ATG16L2: variants seen among roughly 807,000 people sequenced by gnomAD.
The protein encoded by ATG16L2 is autophagy related 16 like 2.
ATG16L2 carries 77 observed loss-of-function variants against 84.7 expected under a neutral mutation model. The observed-to-expected ratio is 0.91, with a 90% CI of 0.76 to 1.10. The LOEUF (loss-of-function observed/expected upper bound fraction) is 1.10, where lower values mean the gene tolerates loss of function less well. ATG16L2 is among the 50% of genes least tolerant of loss of function. The pLI, the probability that ATG16L2 is intolerant of heterozygous loss-of-function variation, is 0.00. For missense variants in ATG16L2, 782 were observed against 817.6 expected, an observed-to-expected ratio of 0.96 and a Z score of 0.53; for synonymous variants, 361 against 342.8, an observed-to-expected ratio of 1.05 and a Z score of -0.59.
chr11:72,840,882 G>A (rs765405062), intron 5 of ATG16L2: 3 of 1,605,680 alleles, frequency 1.9e-6, no homozygotes, highest in Admixed American at 1.7e-5. Context: ...CTTACAGGTC[G>A]CAGTTTGCCA....
rs375973734 is a variant in ATG16L2 at position 72,827,225 on chromosome 11, C to T, written c.1404C>T (p.Asp468=). 29 of 1,613,958 alleles carry T rather than the reference C, an allele frequency of 1.8e-5. No homozygotes were observed. The highest frequency in any genetic ancestry group is 4.5e-5 in the East Asian group (2 of 44,888). ...RTINVLSYCN[D]VVCGDHIIIS... ...TCAATGTCCTTTCCTACTGTAATGA[C>T]GTGGTGTGTGGGGACCATATCATCA... Residue 468 remains aspartate (D), a synonymous_variant, in exon 14 of 18, where the codon GAC becomes GAT. Transcript: ENST00000321297.
At chr11:72,840,225 G>A (rs1163616043) in intron 5 of ATG16L2, among the ~76,000 whole-genome samples, 2 of 152,146 alleles carry the variant, frequency 1.3e-5, no homozygotes, top group Non-Finnish European at 2.9e-5. Flanking sequence ...TGTCTCATTT[G>A]GGATAAAGAC....
rs532041123 is a variant in ATG16L2 at position 72,842,583 on chromosome 11, A to C, written c.*22-34A>C. 1.1e-4 allele frequency: 171 copies of C among 1,612,228 alleles called. 2 individuals are homozygous for C. In the South Asian group the frequency reaches 1.9e-3, roughly 18 times the overall value. On this transcript the variant is annotated intron_variant, in intron 5 of 5. Coordinates refer to the ATG16L2 transcript ENST00000534905. ...AGACCCTTTGGGAGCAATTTTCTTT[A>C]AACATCTTTTAATTCAACTGTCTCC...
intron 9 of ATG16L2, 65 bp downstream of exon 9, chr11:72,824,907 TCG>T: frequency 7.2e-7 from 1 of 1,386,058 alleles, no homozygotes; most frequent in Non-Finnish European, 9.8e-7. Flanking sequence ...AGGGGTGGTC[TCG>T]GCACCAGGGG....
intron 4 of ATG16L2, 72 bp downstream of exon 4, chr11:72,821,813 G>C: frequency 6.7e-7 from 1 of 1,493,356 alleles, no homozygotes; most frequent in Non-Finnish European, 8.9e-7. Flanking sequence ...TACGGGAGGC[G>C]GGGGGAATGG....
intron 2 of ATG16L2, 111 bp from the exon 3 acceptor site, chr11:72,817,645 A>C: frequency 3.9e-6 from 4 of 1,033,502 alleles, no homozygotes; most frequent in South Asian, 1.4e-5. Context: ...CCATCTTCCC[A>C]GGACGAAGTT....
At chr11:72,842,051 A>G (rs1860971465) in intron 5 of ATG16L2, among the ~76,000 whole-genome samples, 1 of 152,174 alleles carries the variant, frequency 6.6e-6, no homozygotes, top group African/African-American at 2.4e-5. Context: ...TTCTTCCTCT[A>G]CCTGTCTGGC....
chr11:72,826,876 G>C, intron 13 of ATG16L2, 53 bp downstream of exon 13: 4 of 1,596,074 alleles, frequency 2.5e-6, no homozygotes, highest in Non-Finnish European at 3.4e-6. Flanking sequence ...GGAGCCCCAG[G>C]CCAGGGCACA....
intron 5 of ATG16L2, among the ~76,000 whole-genome samples, chr11:72,842,029 C>T (rs541251360): frequency 2.9e-4 from 44 of 152,334 alleles, no homozygotes; most frequent in Non-Finnish European, 5.4e-4. Flanking sequence ...ACAAGATCGG[C>T]AAACACGTTC....
chr11:72,815,630 C>T (rs1859661545), intron 1 of ATG16L2, among the ~76,000 whole-genome samples: 1 of 152,100 alleles, frequency 6.6e-6, no homozygotes, highest in South Asian at 2.1e-4. Context: ...AAGCCTCAGT[C>T]TTCTTACTTG....
chr11:72,839,869 C>T (rs527877908), intron 5 of ATG16L2, among the ~76,000 whole-genome samples: 3 of 152,200 alleles, frequency 2.0e-5, no homozygotes, highest in South Asian at 2.1e-4. Context: ...GGCAAGAGTG[C>T]GTTCAACAAC....
intron 5 of ATG16L2, among the ~76,000 whole-genome samples, chr11:72,835,480 A>G (rs1336835670): frequency 6.6e-6 from 1 of 152,100 alleles, no homozygotes; most frequent in Non-Finnish European, 1.5e-5. Context: ...AGCCTGTGGC[A>G]CACTTTATAT....
chr11:72,822,985 A>C lies in ATG16L2; in HGVS notation c.824+24A>C. ...AGGTGAGGACCCAGGTGACAGTCTC[A>C]GAGCTCTGAGCTGAGCCCCACCCCA... On this transcript the variant is annotated intron_variant, in intron 7 of 17. Transcript: ENST00000321297. This position sits in a 1 kb window ranked among gnomAD's most constrained non-coding sequence, Gnocchi z 4.2. 13 of 1,513,332 alleles carry C rather than the reference A, an allele frequency of 8.6e-6. No homozygotes were observed. The highest frequency in any genetic ancestry group is 4.9e-5 in the East Asian group (2 of 41,140). 93.7% of individuals were successfully genotyped at this position (1,513,332 alleles called of 1,614,324 possible). A position where few individuals can be genotyped will look rare whatever the true frequency, so the allele number is the denominator to read the frequency against.
At position 72,829,487 on chromosome 11, in the gene ATG16L2, T is replaced by G; in HGVS notation, c.*97T>G. 1 of 1,478,040 alleles carries G rather than the reference T, an allele frequency of 6.8e-7. No homozygotes were observed. Among genetic ancestry groups the G allele is most frequent in the Non-Finnish European group, 9.0e-7 (1 of 1,113,620 alleles). 91.6% of individuals were successfully genotyped at this position (1,478,040 alleles called of 1,614,324 possible). ...TTGGGGTTGGGACTGGAGCTGGCCTTGGGATTTAATGGGGAAGAAGGCCTG... is the reference window on the plus strand; with the variant it reads ...TTGGGGTTGGGACTGGAGCTGGCCTGGGGATTTAATGGGGAAGAAGGCCTG... On this transcript the variant is annotated 3_prime_UTR_variant, in exon 18 of 18. Transcript: ENST00000321297.
At chr11:72,842,320 T>C (rs1176869568) in intron 5 of ATG16L2, among the ~76,000 whole-genome samples, 3 of 152,234 alleles carry the variant, frequency 2.0e-5, no homozygotes, top group Admixed American at 2.0e-4. Flanking sequence ...CCTCTTCGGT[T>C]TGTTTCTTTC....
At chr11:72,820,043 C>G (rs923017258) in intron 3 of ATG16L2, 4 of 152,210 alleles carry the variant, frequency 2.6e-5, no homozygotes, top group African/African-American at 9.7e-5. Context: ...CGGCACCCGG[C>G]CTTTTCTTTT....
At chr11:72,834,012 G>T (rs1860663297), downstream of ATG16L2, among the ~76,000 whole-genome samples, 1 of 151,310 alleles carries the variant, frequency 6.6e-6, no homozygotes, top group Non-Finnish European at 1.5e-5. Flanking sequence ...TTTGGCCTCT[G>T]GGACCGAGGG....
At chr11:72,823,096 TC>T in intron 7 of ATG16L2, 135 bp downstream of exon 7, 1 of 631,608 alleles carries the variant, frequency 1.6e-6, no homozygotes. Flanking sequence ...AGCTCAGATC[TC>T]CCAGGGCTAG....
intron 3 of ATG16L2, chr11:72,818,793 A>C (rs148693633): frequency 6.6e-6 from 1 of 152,288 alleles, no homozygotes; most frequent in East Asian, 1.9e-4. Flanking sequence ...AACAATAAAC[A>C]AGACCTGGCC....
Sources: gnomAD v4.1 joint callset for allele counts (sites outside exome capture counted in the v4.1 genomes callset) on GRCh38, gnomAD v4.1.1 for gene constraint, Gnocchi (gnomAD v3.1) non-coding constraint, MANE v1.5 for transcripts, NCBI Gene and HGNC (gene_info 2026-07-23, HGNC 2026-07-21) for gene names.